Variants in CABIN1 observed in about 807,000 individuals in gnomAD.
The protein encoded by CABIN1 is calcineurin binding protein 1, also known as calcineurin-binding protein cabin-1.
A neutral mutation model predicts 227.7 loss-of-function variants in CABIN1; 133 were observed. The observed-to-expected ratio is 0.58, with a 90% CI of 0.51 to 0.67. The LOEUF (loss-of-function observed/expected upper bound fraction) is 0.67, where lower values mean the gene tolerates loss of function less well. CABIN1 is among the 30% of genes least tolerant of loss of function. The pLI is 0.00. For synonymous variants in CABIN1, 1,086 were observed against 1,155.1 expected, an observed-to-expected ratio of 0.94 and a Z score of 1.21; for missense variants, 2,408 against 2,852.5, an observed-to-expected ratio of 0.84 and a Z score of 3.55.
At chr22:24,071,205 G>A (rs192970991) in intron 17 of CABIN1, 163 bp downstream of exon 17, 20 of 950,226 alleles carry the variant, frequency 2.1e-5, no homozygotes, top group African/African-American at 1.8e-4. Context: ...GGGTTTGTGC[G>A]CAGGCTGCAA....
Position 24,085,013 on chromosome 22 carries a change from G to T in CABIN1, c.3125G>T (p.Cys1042Phe). The change falls in exon 22 of 37, where the codon TGC (cysteine) becomes TTC (phenylalanine). Residue 1042 changes from cysteine (C) to phenylalanine (F), a missense_variant. Transcript: ENST00000263119. ...TTTCCTCTCACCTGCCAGGTACCCT[G>T]CCTCCCAGAGGGGGCTGACCCCTCC... ...YIEGTSTEVPCLPEGADPSPP... is the reference protein window; with the variant it reads ...YIEGTSTEVPFLPEGADPSPP... The T allele has an allele frequency of 6.2e-7, 1 of 1,614,196 alleles. No homozygotes were observed. The highest frequency in any genetic ancestry group is 8.5e-7 in the Non-Finnish European group (1 of 1,180,026).
chr22:24,163,071 T>C (rs2046248947), intron 29 of CABIN1, among the ~76,000 whole-genome samples: 4 of 152,224 alleles, frequency 2.6e-5, no homozygotes, highest in Admixed American at 2.6e-4. Context: ...GGTAGGAAGA[T>C]GCAGCATTGA....
At chr22:24,073,146 C>G (rs2040209200) in intron 18 of CABIN1, among the ~76,000 whole-genome samples, 1 of 152,136 alleles carries the variant, frequency 6.6e-6, no homozygotes, top group Non-Finnish European at 1.5e-5. Flanking sequence ...GATCCATAGT[C>G]AGTGCAATGG....
chr22:24,151,305 G>A (rs1439294016), intron 29 of CABIN1, among the ~76,000 whole-genome samples: 1 of 152,122 alleles, frequency 6.6e-6, no homozygotes, highest in Non-Finnish European at 1.5e-5. Flanking sequence ...ACCATTCATG[G>A]CCTGAAACCA....
At chr22:24,120,793 A>G (rs978900665) in intron 28 of CABIN1, among the ~76,000 whole-genome samples, 2 of 152,232 alleles carry the variant, frequency 1.3e-5, no homozygotes, top group African/African-American at 4.8e-5. Context: ...AGCCTGGGCA[A>G]CAGAGCGAGA....
chr22:24,078,567 CTCT>C (rs1214842141), intron 19 of CABIN1, among the ~76,000 whole-genome samples: 10 of 152,106 alleles, frequency 6.6e-5, no homozygotes, highest in African/African-American at 2.4e-4. Flanking sequence ...CCTCTTGAGT[CTCT>C]TCTTTTCTTG....
At chr22:24,092,687 AGTGTGTGTGTGTGTGTGT>A (rs3221282) in intron 24 of CABIN1, among the ~76,000 whole-genome samples, 3 of 138,714 alleles carry the variant, frequency 2.2e-5, no homozygotes, top group Non-Finnish European at 4.6e-5. Flanking sequence ...TGATTATAAA[AGTGTGTGTGTGTGTGTGT>A]GTGTGTGTGT....
chr22:24,063,901 G>T (rs1162912348), intron 14 of CABIN1, 134 bp from the exon 15 acceptor site: 3 of 1,003,894 alleles, frequency 3.0e-6, no homozygotes, highest in Non-Finnish European at 4.7e-6. Context: ...CCTTTCTTAG[G>T]GGGGTACAGT....
intron 26 of CABIN1, among the ~76,000 whole-genome samples, chr22:24,107,577 C>G (rs768741267): frequency 6.6e-6 from 1 of 152,208 alleles, no homozygotes; most frequent in Non-Finnish European, 1.5e-5. Flanking sequence ...CACAGCATGC[C>G]GTCCTTTCTT....
rs566142638 is a variant in CABIN1 at position 24,177,365 on chromosome 22, G to A, written c.6206-139G>A. On this transcript the variant is annotated intron_variant, in intron 35 of 36. Coordinates refer to ENST00000263119, the MANE Select transcript of CABIN1 (RefSeq NM_012295.4). This position sits in a 1 kb window ranked among gnomAD's most constrained non-coding sequence, Gnocchi z 4.4. ...CTGAGCCAAGTATTTGCCCAGGGTA[G>A]AAGCCTTGGAGCCTGCCAGCCAGCA... The A allele has an allele frequency of 4.2e-4, 317 of 753,866 alleles. 1 individual carries two copies. Among genetic ancestry groups the A allele is most frequent in the Non-Finnish European group, 2.5e-5 (12 of 474,402 alleles). 46.7% of individuals were successfully genotyped at this position (753,866 alleles called of 1,614,324 possible). A position where few individuals can be genotyped will look rare whatever the true frequency, so the allele number is the denominator to read the frequency against.
In CABIN1 at chr22:24,014,608, G is replaced by A. The variant is rs190565284; in HGVS notation, c.-75+3241G>A. On this transcript the variant is annotated intron_variant, in intron 1 of 36. Transcript: ENST00000263119. ...TCCTCATGCCTTTCAGAGTGGTTAT[G>A]TTAGTTGTAATAGTTAGGTTCATTG... is the stretch of plus-strand genomic sequence containing the variant. Among the ~76,000 whole-genome samples, 109 of 152,250 alleles carry A rather than the reference G, an allele frequency of 7.2e-4. 2 individuals are homozygous for A. The East Asian group carries it at 0.016, about 22-fold the overall frequency.
intron 29 of CABIN1, among the ~76,000 whole-genome samples, chr22:24,160,808 T>C (rs1038927465): frequency 1.3e-5 from 2 of 152,264 alleles, no homozygotes; most frequent in African/African-American, 4.8e-5. Flanking sequence ...ACAGCCCTCC[T>C]GCCCCCAGGC....
At chr22:24,051,687 C>T (rs2038347858) in intron 8 of CABIN1, among the ~76,000 whole-genome samples, 1 of 152,162 alleles carries the variant, frequency 6.6e-6, no homozygotes. Flanking sequence ...TCAGACTGAC[C>T]TGACCTGGGT....
intron 28 of CABIN1, among the ~76,000 whole-genome samples, chr22:24,132,116 T>G (rs1233150335): frequency 6.6e-6 from 1 of 151,706 alleles, no homozygotes; most frequent in Non-Finnish European, 1.5e-5. Context: ...AGTCCACCTA[T>G]GGCTGATTAG....
Position 24,145,613 on chromosome 22 carries a change from T to C in CABIN1, c.4746+11198T>C, listed in dbSNP as rs538608986. ...CCTGGCACTCTGATGCTCAGATCTG[T>C]CGTCCCGTGTGTCTCTGCCTGGTGT... On this transcript the variant is annotated intron_variant, in intron 29 of 36. Coordinates refer to ENST00000263119, the MANE Select transcript of CABIN1 (RefSeq NM_012295.4). Among the ~76,000 whole-genome samples the C allele has an allele frequency of 1.1e-3, 174 of 152,236 alleles. 2 individuals carry two copies. Among genetic ancestry groups the C allele is most frequent in the Admixed American group, 5.0e-3 (76 of 15,306 alleles).
intron 1 of CABIN1, among the ~76,000 whole-genome samples, chr22:24,024,983 C>A (rs2035980337): frequency 1.3e-5 from 2 of 152,150 alleles, no homozygotes; most frequent in East Asian, 3.9e-4. Flanking sequence ...ATATTTTTGA[C>A]TAGTAATTTC....
chr22:24,111,231 C>T (rs2042790006), intron 26 of CABIN1, among the ~76,000 whole-genome samples: 1 of 152,236 alleles, frequency 6.6e-6, no homozygotes, highest in African/African-American at 2.4e-5. Context: ...CTCATCTAAA[C>T]ATGCTCAGAA....
intron 26 of CABIN1, among the ~76,000 whole-genome samples, chr22:24,101,459 A>G (rs1005298484): frequency 6.6e-6 from 1 of 152,176 alleles, no homozygotes; most frequent in Non-Finnish European, 1.5e-5. Context: ...AGCCTTTGGA[A>G]TCAGCCCCTC....
intron 14 of CABIN1, 133 bp from the exon 15 acceptor site, chr22:24,063,902 G>C: frequency 9.9e-7 from 1 of 1,009,944 alleles, no homozygotes; most frequent in South Asian, 1.3e-5. Context: ...CTTTCTTAGG[G>C]GGGTACAGTG....
Sources: allele counts gnomAD v4.1 joint callset (sites outside exome capture counted in the v4.1 genomes callset), GRCh38; gene constraint gnomAD v4.1.1; non-coding constraint Gnocchi (gnomAD v3.1); transcripts MANE v1.5; gene names NCBI Gene and HGNC (gene_info 2026-07-23, HGNC 2026-07-21).